AZIN2: variants seen among roughly 807,000 people sequenced by gnomAD.
The protein encoded by AZIN2 is antizyme inhibitor 2, also known as ODC antizyme inhibitor-2.
A neutral mutation model predicts 47.8 loss-of-function variants in AZIN2; 28 were observed. The ratio of observed to expected loss-of-function variants is 0.59; its 90% confidence interval spans 0.43 to 0.80. AZIN2 has a LOEUF of 0.80. AZIN2 is among the 30% of genes least tolerant of loss of function. The probability of loss-of-function intolerance (pLI) is 0.00; values close to 1 mark genes in which losing one functional copy is unlikely to be tolerated. For synonymous variants in AZIN2, 221 were observed against 239.4 expected (o/e 0.92, Z 0.71); for missense variants, 535 against 582.5 (o/e 0.92, Z 0.84).
intron 9 of AZIN2, among the ~76,000 whole-genome samples, chr1:33,097,355 C>T (rs886251244): frequency 1.3e-5 from 2 of 152,134 alleles, no homozygotes; most frequent in African/African-American, 2.4e-5. Flanking sequence ...GTCATTAGCC[C>T]AAGGTCACAT....
chr1:33,117,382 G>C (rs1003688229), intron 10 of AZIN2, among the ~76,000 whole-genome samples: 2 of 152,212 alleles, frequency 1.3e-5, no homozygotes, highest in South Asian at 4.1e-4. Context: ...CAGAAGACAG[G>C]CTAGATTTGA....
downstream of AZIN2, among the ~76,000 whole-genome samples, chr1:33,123,623 G>A (rs544333576): frequency 4.6e-5 from 7 of 152,192 alleles, no homozygotes; most frequent in African/African-American, 7.2e-5. Flanking sequence ...CTAGCACTTC[G>A]GGAGGCCAAG....
the AZIN2 span, chr1:33,158,457 G>T: frequency 2.0e-6 from 2 of 1,005,928 alleles, no homozygotes; most frequent in Non-Finnish European, 1.6e-6. Flanking sequence ...AGGGCAGCTG[G>T]CATAGGATGT....
the AZIN2 span, among the ~76,000 whole-genome samples, chr1:33,132,270 A>T: frequency 6.6e-6 from 1 of 152,150 alleles, no homozygotes; most frequent in African/African-American, 2.4e-5. Flanking sequence ...GGGTCAGCAA[A>T]CCTTTTCTGT....
chr1:33,114,827 G>C (rs1644464692), intron 10 of AZIN2, among the ~76,000 whole-genome samples: 1 of 151,488 alleles, frequency 6.6e-6, no homozygotes, highest in Admixed American at 6.6e-5. Flanking sequence ...ATTTTTAGTA[G>C]CGACAGGGTT....
chr1:33,133,123 T>C, the AZIN2 span, among the ~76,000 whole-genome samples: 1 of 152,104 alleles, frequency 6.6e-6, no homozygotes, highest in Non-Finnish European at 1.5e-5. Flanking sequence ...CCTTGGCCCA[T>C]AGTCACTTAC....
At chr1:33,141,459 C>T in the AZIN2 span, among the ~76,000 whole-genome samples, 1 of 152,198 alleles carries the variant, frequency 6.6e-6, no homozygotes, top group African/African-American at 2.4e-5. Context: ...CTCTGGGCTT[C>T]AGGTTAGACT....
intron 9 of AZIN2, among the ~76,000 whole-genome samples, chr1:33,097,285 G>A (rs574656688): frequency 5.2e-4 from 79 of 152,228 alleles, no homozygotes; most frequent in Non-Finnish European, 9.0e-4. Flanking sequence ...AATAATTAAT[G>A]ACAGCTTACA....
At chr1:33,097,769 G>T (rs150109036) in intron 9 of AZIN2, among the ~76,000 whole-genome samples, 1 of 152,050 alleles carries the variant, frequency 6.6e-6, no homozygotes, top group East Asian at 1.9e-4. Context: ...AACCTTTTGG[G>T]GTCTTGAGTT....
chr1:33,096,934 C>T, intron 9 of AZIN2, 65 bp downstream of exon 9: 1 of 1,600,866 alleles, frequency 6.2e-7, no homozygotes, highest in South Asian at 1.1e-5. Flanking sequence ...GTTGGCTGAG[C>T]AGGATCTGGT....
At chr1:33,127,518 G>A (rs981619313), downstream of AZIN2, among the ~76,000 whole-genome samples, 3 of 152,246 alleles carry the variant, frequency 2.0e-5, no homozygotes, top group African/African-American at 4.8e-5. Context: ...ACGGGAAAGG[G>A]GTCAACCCGG....
At chr1:33,114,128 CT>C (rs1213266792) in intron 10 of AZIN2, among the ~76,000 whole-genome samples, 56 of 143,260 alleles carry the variant, frequency 3.9e-4, no homozygotes, top group Non-Finnish European at 3.4e-4. Context: ...TTATTCTTTT[CT>C]TTTTTTTTTT....
At chr1:33,154,336 C>T in the AZIN2 span, among the ~76,000 whole-genome samples, 10 of 152,180 alleles carry the variant, frequency 6.6e-5, no homozygotes, top group Middle Eastern at 3.2e-3. Flanking sequence ...CTAGCCTCAG[C>T]TGCCACCTGC....
chr1:33,107,680 A>G (rs1196652332), intron 10 of AZIN2, among the ~76,000 whole-genome samples: 2 of 152,248 alleles, frequency 1.3e-5, no homozygotes, highest in African/African-American at 2.4e-5. Flanking sequence ...AAGTTAACAT[A>G]CAATGTTTCT....
At chr1:33,096,630 C>A in intron 8 of AZIN2, 77 bp from the exon 9 acceptor site, 1 of 1,550,430 alleles carries the variant, frequency 6.4e-7, no homozygotes, top group Non-Finnish European at 8.9e-7. Flanking sequence ...AAGAAATAGA[C>A]TTGGAGCTGT....
At chr1:33,148,525 G>A in the AZIN2 span, among the ~76,000 whole-genome samples, 1 of 152,280 alleles carries the variant, frequency 6.6e-6, no homozygotes, top group African/African-American at 2.4e-5. Flanking sequence ...AGGCAGGATG[G>A]TGTTTTACCT....
chr1:33,092,408 G>T (rs1015098607), intron 6 of AZIN2, among the ~76,000 whole-genome samples, 186 bp downstream of exon 6: 1 of 151,944 alleles, frequency 6.6e-6, no homozygotes, highest in African/African-American at 2.4e-5. Flanking sequence ...CCCAGCCACA[G>T]TTGCAGGAGG....
chr1:33,117,105 G>A (rs991367881), intron 10 of AZIN2, among the ~76,000 whole-genome samples: 1 of 152,206 alleles, frequency 6.6e-6, no homozygotes, highest in African/African-American at 2.4e-5. Flanking sequence ...TATGTCATTG[G>A]TAGTTGTGTC....
intron 5 of AZIN2, among the ~76,000 whole-genome samples, chr1:33,087,725 C>T (rs945657186): frequency 1.3e-5 from 2 of 151,556 alleles, no homozygotes; most frequent in Non-Finnish European, 2.9e-5. Flanking sequence ...CATGAGCCAC[C>T]ACACCCGACT....
Sources: gnomAD v4.1 joint callset for allele counts (sites outside exome capture counted in the v4.1 genomes callset) on GRCh38, gnomAD v4.1.1 for gene constraint, MANE v1.5 for transcripts, NCBI Gene and HGNC (gene_info 2026-07-23, HGNC 2026-07-21) for gene names.